TANC2: variants seen among roughly 807,000 people sequenced by gnomAD.
TANC2 encodes the protein tetratricopeptide repeat, ankyrin repeat and coiled-coil containing 2.
TANC2 carries 26 observed loss-of-function variants against 210.5 expected under a neutral mutation model. The observed-to-expected ratio is 0.12, with a 90% CI of 0.09 to 0.17. TANC2 has a LOEUF of 0.17. TANC2 is among the 10% of genes least tolerant of loss of function. The pLI is 1.00. For missense variants in TANC2, 2,129 were observed against 2,608.9 expected, an observed-to-expected ratio of 0.82 and a Z score of 4.01; for synonymous variants, 931 against 967.1, an observed-to-expected ratio of 0.96 and a Z score of 0.69.
intron 5 of TANC2, among the ~76,000 whole-genome samples, chr17:63,177,625 C>T (rs2040634497): frequency 6.6e-6 from 1 of 152,254 alleles, no homozygotes; most frequent in African/African-American, 2.4e-5. Context: ...TTAAAAAACT[C>T]ATGGGCTTGC....
chr17:63,405,024 C>A, intron 19 of TANC2, 98 bp from the exon 20 acceptor site: 1 of 1,300,526 alleles, frequency 7.7e-7, no homozygotes. Flanking sequence ...AGTAAAGTAG[C>A]AATTACATTA....
At position 63,314,374 on chromosome 17, in the gene TANC2, C is replaced by G; in HGVS notation, c.1160-14C>G. 1 of 1,612,174 alleles carries G rather than the reference C, an allele frequency of 6.2e-7. No homozygotes were observed. The highest frequency in any genetic ancestry group is 8.5e-7 in the Non-Finnish European group (1 of 1,178,612). On this transcript the variant is annotated splice_polypyrimidine_tract_variant and intron_variant, in intron 9 of 27. Transcript: ENST00000689528. ...CAGTTTGACCTAAGTTCTGCATTCT[C>G]TTGTTCCTTTCAGTTCGCTTTGCAC...
chr17:63,414,603 T>G (rs886383547), intron 25 of TANC2, among the ~76,000 whole-genome samples: 1 of 152,238 alleles, frequency 6.6e-6, no homozygotes, highest in Non-Finnish European at 1.5e-5. Context: ...CGAGGAGTCC[T>G]CTTAATGAAA....
chr17:63,235,006 C>A (rs1841968993), intron 7 of TANC2, among the ~76,000 whole-genome samples: 1 of 151,744 alleles, frequency 6.6e-6, no homozygotes, highest in Non-Finnish European at 1.5e-5. Context: ...AGCTTATGAT[C>A]TAATACAGAA....
chr17:63,234,255 T>C (rs758789046), intron 7 of TANC2, among the ~76,000 whole-genome samples: 2 of 152,144 alleles, frequency 1.3e-5, no homozygotes, highest in Non-Finnish European at 2.9e-5. Context: ...CATAAACACT[T>C]CACCAATACT....
chr17:63,300,502 G>A (rs1482789380), intron 9 of TANC2, among the ~76,000 whole-genome samples: 1 of 152,088 alleles, frequency 6.6e-6, no homozygotes, highest in African/African-American at 2.4e-5. Flanking sequence ...TCCCTTGTTA[G>A]CTATATTCCT....
intron 9 of TANC2, among the ~76,000 whole-genome samples, chr17:63,272,186 A>G (rs1598747490): frequency 6.6e-6 from 1 of 152,062 alleles, no homozygotes; most frequent in African/African-American, 2.4e-5. Flanking sequence ...CTAGCCAGTT[A>G]TCCCAGCACC....
chr17:63,203,864 A>G (rs1567812062), intron 7 of TANC2, among the ~76,000 whole-genome samples: 1 of 152,198 alleles, frequency 6.6e-6, no homozygotes, highest in African/African-American at 2.4e-5. Flanking sequence ...AGGGAGACAC[A>G]TGTTCCAAGG....
chr17:62,998,084 G>A (rs546566233), intron 1 of TANC2, among the ~76,000 whole-genome samples: 2 of 152,238 alleles, frequency 1.3e-5, no homozygotes, highest in Middle Eastern at 6.8e-3. Context: ...CAGAGTGATT[G>A]CATAGAGCTG....
chr17:63,361,273 C>T (rs2046950031), intron 14 of TANC2, among the ~76,000 whole-genome samples: 1 of 152,168 alleles, frequency 6.6e-6, no homozygotes, highest in African/African-American at 2.4e-5. Flanking sequence ...TTGCTCACAC[C>T]CTTTGGGATC....
chr17:63,412,221 A>G lies in TANC2; in HGVS notation c.3898+91A>G. 6.4e-7 allele frequency: 1 copy of G among 1,555,364 alleles called. No individual in the cohort carries two copies. Among genetic ancestry groups the G allele is most frequent in the Non-Finnish European group, 8.8e-7 (1 of 1,140,602 alleles). ...TGCCCTGGGTATTTGGTGTGAGTGTATATAGTTCCCCCTCCTCCCTGGCCC... is the reference window on the plus strand; with the variant it reads ...TGCCCTGGGTATTTGGTGTGAGTGTGTATAGTTCCCCCTCCTCCCTGGCCC... On this transcript the variant is annotated intron_variant, in intron 23 of 27. Coordinates refer to ENST00000689528, the Ensembl canonical transcript of TANC2. This position sits in a 1 kb window ranked among gnomAD's most constrained non-coding sequence, Gnocchi z 4.2.
rs9900342 is a variant in TANC2 at position 62,993,400 on chromosome 17, A to G, written c.-23-16137A>G. Among the ~76,000 whole-genome samples, 1,199 of 152,328 alleles carry G rather than the reference A, an allele frequency of 7.9e-3. 18 individuals are homozygous for G. Among genetic ancestry groups the G allele is most frequent in the African/African-American group, 0.027 (1,114 of 41,558 alleles). ...GTTTGTTAAGTATTTTGTTGAATCT[A>G]CAGATCAATTTGGAGACTATTGCCA... On this transcript the variant is annotated intron_variant, in intron 1 of 27. Coordinates refer to ENST00000689528, the Ensembl canonical transcript of TANC2.
intron 5 of TANC2, among the ~76,000 whole-genome samples, chr17:63,172,267 C>T (rs1056053466): frequency 1.3e-5 from 2 of 151,286 alleles, no homozygotes; most frequent in African/African-American, 2.4e-5. Context: ...TCTCAACCCC[C>T]GCCTCTCAGG....
At chr17:63,225,221 T>G (rs1040053067) in intron 7 of TANC2, among the ~76,000 whole-genome samples, 2 of 152,212 alleles carry the variant, frequency 1.3e-5, no homozygotes, top group East Asian at 3.8e-4. Context: ...TTAGTTCTTA[T>G]TACAGTTAAT....
chr17:63,004,893 CTG>C (rs2033546386), intron 1 of TANC2: 1 of 320,006 alleles, frequency 3.1e-6, no homozygotes, highest in African/African-American at 2.2e-5. Context: ...TGGATTTTCT[CTG>C]TGGTTTATCC....
chr17:63,331,856 CTGTGTGTGTGTG>C (rs765243268), intron 11 of TANC2: 5,287 of 153,298 alleles, frequency 0.034, 283 homozygotes, highest in Admixed American at 0.17. Context: ...GTGTGTGTGT[CTGTGTGTGTGTG>C]TGTGTGTGTG....
At chr17:63,310,812 A>G (rs748588822) in intron 9 of TANC2, among the ~76,000 whole-genome samples, 26 of 152,244 alleles carry the variant, frequency 1.7e-4, no homozygotes, top group Non-Finnish European at 3.4e-4. Context: ...TGAGACTGAG[A>G]GGGATATGGT....
rs758123246 is a variant in TANC2 at position 63,169,741 on chromosome 17, GA to G, written c.433+18362del. 3.9e-5 allele frequency among the ~76,000 whole-genome samples: 6 copies of G among 152,120 alleles called. No individual in the cohort carries two copies. The East Asian group carries it at 1.2e-3, about 29-fold the overall frequency. On this transcript the variant is annotated intron_variant, in intron 5 of 27. Transcript: ENST00000689528. ...AGGCAGGAGAATCACTTGAACCCGG[GA>G]GGCGGAGATTACAGTGAGTCAAGAT... is the stretch of plus-strand genomic sequence containing the variant.
intron 1 of TANC2, among the ~76,000 whole-genome samples, chr17:62,991,222 AAC>A (rs1425766275): frequency 6.6e-6 from 1 of 152,284 alleles, no homozygotes; most frequent in African/African-American, 2.4e-5. Context: ...ATATTAAAAA[AAC>A]AAATGAAATG....
Sources: allele counts gnomAD v4.1 joint callset (sites outside exome capture counted in the v4.1 genomes callset), GRCh38; gene constraint gnomAD v4.1.1; non-coding constraint Gnocchi (gnomAD v3.1); transcripts MANE v1.5; gene names NCBI Gene and HGNC (gene_info 2026-07-23, HGNC 2026-07-21).